PDE6C: variants seen among roughly 807,000 people sequenced by gnomAD.
The protein encoded by PDE6C is cone cGMP-specific 3',5'-cyclic phosphodiesterase subunit alpha'.
In PDE6C, 75 loss-of-function variants were observed where a neutral mutation model predicts 113.1. The ratio of observed to expected loss-of-function variants is 0.66; its 90% confidence interval spans 0.55 to 0.80. The LOEUF is 0.80. Among genes scored for constraint, PDE6C ranks in the 30% least tolerant of loss-of-function variants. The probability of loss-of-function intolerance (pLI) is 0.00; values close to 1 mark genes in which losing one functional copy is unlikely to be tolerated. For synonymous variants in PDE6C, 375 were observed against 363.7 expected (o/e 1.03, Z -0.35); for missense variants, 912 against 1,038.6 (o/e 0.88, Z 1.67).
rs199559247 is a variant in PDE6C at position 93,622,085 on chromosome 10, C to T, written c.864+13C>T. ...GACCAAGGAGAAGGTTCTTATTATTCTACACATTTTGTCTCATCTCACATC... is the reference window on the plus strand; with the variant it reads ...GACCAAGGAGAAGGTTCTTATTATTTTACACATTTTGTCTCATCTCACATC... On this transcript the variant is annotated intron_variant, in intron 4 of 21. Transcript: ENST00000371447. 3.6e-4 allele frequency: 586 copies of T among 1,612,974 alleles called. 2 individuals carry two copies. The African/African-American group carries it at 6.9e-3, about 19-fold the overall frequency.
intron 10 of PDE6C, among the ~76,000 whole-genome samples, chr10:93,635,877 G>A (rs1474330217): frequency 6.6e-6 from 1 of 152,096 alleles, no homozygotes; most frequent in Non-Finnish European, 1.5e-5. Context: ...TGGGGCTATG[G>A]GAGCTATAGC....
rs1313434321 is a variant in PDE6C at position 93,640,988 on chromosome 10, T to C, written c.1806T>C (p.His602=). The C allele has an allele frequency of 1.2e-6, 2 of 1,612,678 alleles. No individual in the cohort carries two copies. The highest frequency in any genetic ancestry group is 1.7e-6 in the Non-Finnish European group (2 of 1,178,796). ...CCATGCTTGCTGCTGCTTTCTGCCA[T>C]GATATTGACCACAGAGGCACCAATA... ...AFAMLAAAFC[H]DIDHRGTNNL... The change falls in exon 14 of 22, where the codon CAT becomes CAC. Residue 602 remains histidine (H), a synonymous_variant. Coordinates refer to ENST00000371447, the MANE Select transcript of PDE6C (RefSeq NM_006204.4).
intron 19 of PDE6C, 57 bp downstream of exon 19, chr10:93,662,190 C>T (rs759784302): frequency 1.4e-5 from 16 of 1,123,478 alleles, no homozygotes; most frequent in South Asian, 9.8e-5. Context: ...ACAGGCCGGG[C>T]GCGGTGGCTC....
chr10:93,654,782 CTTTCTTTCTTTCTTTCTTTCTTTCTTTCT>C (rs1194929198), intron 15 of PDE6C, among the ~76,000 whole-genome samples: 3 of 65,210 alleles, frequency 4.6e-5, no homozygotes, highest in Non-Finnish European at 6.3e-5. Context: ...TTCTTTCTTT[CTTTCTTTCTTTCTTTCTTTCTTTCTTTCT>C]TTTTTTTTTT....
At chr10:93,624,593 T>G (rs2058463520) in intron 4 of PDE6C, among the ~76,000 whole-genome samples, 1 of 152,218 alleles carries the variant, frequency 6.6e-6, no homozygotes, top group Non-Finnish European at 1.5e-5. Context: ...AGAGTAATTG[T>G]TCTAAGTGGA....
intron 2 of PDE6C, 52 bp from the exon 3 acceptor site, chr10:93,620,839 A>C: frequency 6.2e-7 from 1 of 1,612,806 alleles, no homozygotes; most frequent in South Asian, 1.1e-5. Flanking sequence ...TTTGTTGTAT[A>C]ACCAAAGAAA....
intron 1 of PDE6C, among the ~76,000 whole-genome samples, chr10:93,615,634 G>A (rs1250811312): frequency 5.3e-5 from 8 of 152,146 alleles, no homozygotes; most frequent in Non-Finnish European, 8.8e-5. Flanking sequence ...CACCTGTCTC[G>A]GACTTTCAAA....
rs56061399 is a variant in PDE6C at position 93,619,075 on chromosome 10, G to A, written c.481-1557G>A. Among the ~76,000 whole-genome samples the A allele has an allele frequency of 5.8e-3, 883 of 152,292 alleles. 6 individuals carry two copies. The highest frequency in any genetic ancestry group is 0.02 in the African/African-American group (822 of 41,558). On this transcript the variant is annotated intron_variant, in intron 1 of 21. Transcript: ENST00000371447. ...AAAGGGAAGAATGTCATGACCCAAG[G>A]AAGGCTGGGTCTAAACCCACCGTGA...
At chr10:93,635,753 G>T (rs888377765) in intron 10 of PDE6C, 113 bp downstream of exon 10, 1 of 1,123,622 alleles carries the variant, frequency 8.9e-7, no homozygotes, top group African/African-American at 1.5e-5. Flanking sequence ...CCTGGGCTGA[G>T]AGAGAGAGAC....
chr10:93,640,032 T>C (rs764955888), intron 11 of PDE6C, 38 bp from the exon 12 acceptor site: 1 of 1,612,332 alleles, frequency 6.2e-7, no homozygotes, highest in Non-Finnish European at 8.5e-7. Context: ...GGAAAACAGA[T>C]GAATGTAATC....
At chr10:93,632,581 A>G (rs910343986) in intron 8 of PDE6C, among the ~76,000 whole-genome samples, 7 of 152,220 alleles carry the variant, frequency 4.6e-5, no homozygotes, top group African/African-American at 1.7e-4. Flanking sequence ...TTCCTGAAAC[A>G]CTGAGAAGCA....
At position 93,633,478 on chromosome 10, in the gene PDE6C, AAAT is replaced by A. The variant is rs1310489558; in HGVS notation, c.1120-1277_1120-1275del. On this transcript the variant is annotated intron_variant, in intron 8 of 21. Transcript: ENST00000371447. The stretch of plus-strand genomic sequence containing the variant: ...GAGACCCTGTCTCAAAAAAAAAAAA[AAAT>A]AAAAAAAAATAAACAAGCTAAAACA... Among the ~76,000 whole-genome samples, 20 of 145,908 alleles carry A rather than the reference AAAT, an allele frequency of 1.4e-4. 1 individual carries two copies. Among genetic ancestry groups the A allele is most frequent in the East Asian group, 6.7e-4 (3 of 4,456 alleles).
chr10:93,637,436 C>T, intron 11 of PDE6C, among the ~76,000 whole-genome samples: 1 of 152,156 alleles, frequency 6.6e-6, no homozygotes, highest in East Asian at 1.9e-4. Flanking sequence ...TTTCTAGGCA[C>T]TGGCACCGCC....
chr10:93,649,690 C>T (rs773959309), intron 15 of PDE6C, among the ~76,000 whole-genome samples: 24 of 152,134 alleles, frequency 1.6e-4, no homozygotes, highest in East Asian at 3.9e-4. Flanking sequence ...CTGCAACCTC[C>T]GCCTCCTGGG....
intron 11 of PDE6C, among the ~76,000 whole-genome samples, chr10:93,639,368 A>C (rs57078390): frequency 1.3e-5 from 2 of 152,226 alleles, no homozygotes; most frequent in African/African-American, 4.8e-5. Context: ...GGCAAGATAC[A>C]TATTTTTATT....
At chr10:93,657,464 G>A (rs2058644209) in intron 16 of PDE6C, among the ~76,000 whole-genome samples, 1 of 151,030 alleles carries the variant, frequency 6.6e-6, no homozygotes, top group South Asian at 2.1e-4. Flanking sequence ...GATTAGAGGC[G>A]TGAGCCACCT....
chr10:93,635,512 C>T lies in PDE6C; in HGVS notation c.1285C>T (p.Leu429Phe), dbSNP rs759234276. The change falls in exon 10 of 22, where the codon CTT becomes TTT. Residue 429 changes from leucine to phenylalanine, a missense_variant. Leu to Phe is a conservative substitution (Grantham distance 22, BLOSUM62 0). Coordinates refer to ENST00000371447, the MANE Select transcript of PDE6C (RefSeq NM_006204.4). ...TCCATTTCAGACTCTCACACAATTT[C>T]TTGGATGGTCTCTTTTAAATACTGA... Reference protein sequence around the residue: ...EYITETLTQFLGWSLLNTDTY... With the variant: ...EYITETLTQFFGWSLLNTDTY... 1 of 1,610,950 alleles carries T rather than the reference C, an allele frequency of 6.2e-7. No homozygotes were observed. The highest frequency in any genetic ancestry group is 8.5e-7 in the Non-Finnish European group (1 of 1,177,262).
intron 13 of PDE6C, 149 bp from the exon 14 acceptor site, chr10:93,640,771 T>C: frequency 1.4e-6 from 1 of 704,550 alleles, no homozygotes; most frequent in Non-Finnish European, 2.5e-6. Context: ...GGTTCAGTCT[T>C]CACCCACAGT....
chr10:93,636,979 T>G lies in PDE6C; in HGVS notation c.1414-16T>G. 7.0e-7 allele frequency: 1 copy of G among 1,437,864 alleles called. No homozygotes were observed. The highest frequency in any genetic ancestry group is 9.8e-7 in the Non-Finnish European group (1 of 1,019,948). The allele number at this position is 1,437,864 out of a possible 1,614,324, so 89.1% of individuals were successfully genotyped here. A position where few individuals can be genotyped will look rare whatever the true frequency, so the allele number is the denominator to read the frequency against. ...TCCTTTAGGAATTTCACACCTCAATTGCTTTTACATTTTAGAAATTTCAAG... is the reference window on the plus strand; with the variant it reads ...TCCTTTAGGAATTTCACACCTCAATGGCTTTTACATTTTAGAAATTTCAAG... On this transcript the variant is annotated splice_polypyrimidine_tract_variant and intron_variant, in intron 10 of 21. Coordinates refer to ENST00000371447, the MANE Select transcript of PDE6C (RefSeq NM_006204.4).
Sources: allele counts gnomAD v4.1 joint callset (sites outside exome capture counted in the v4.1 genomes callset), GRCh38; gene constraint gnomAD v4.1.1; transcripts MANE v1.5; gene names NCBI Gene and HGNC (gene_info 2026-07-23, HGNC 2026-07-21).